The following TAF1B variants were observed in gnomAD, a reference collection of about 807,000 sequenced individuals.
The protein encoded by TAF1B is TATA-box binding protein associated factor, RNA polymerase I subunit B.
In TAF1B, 61 loss-of-function variants were observed where a neutral mutation model predicts 83.9. The ratio of observed to expected loss-of-function variants is 0.73; its 90% CI spans 0.59 to 0.90. The LOEUF (loss-of-function observed/expected upper bound fraction) is 0.90. Ranked by LOEUF, TAF1B falls within the 40% of genes least tolerant of loss-of-function variation. The pLI, the probability that TAF1B is intolerant of heterozygous loss-of-function variation, is 0.00. For missense variants in TAF1B, 625 were observed against 677.0 expected, an observed-to-expected ratio of 0.92 and a Z score of 0.85; for synonymous variants, 221 against 224.6, an observed-to-expected ratio of 0.98 and a Z score of 0.14.
chr2:9,849,332 T>C (rs749211507), intron 2 of TAF1B, 41 bp from the exon 3 acceptor site: 1 of 1,487,220 alleles, frequency 6.7e-7, no homozygotes, highest in South Asian at 1.3e-5. Flanking sequence ...TAGGGGGATG[T>C]AAAACGATCT....
At chr2:9,913,039 C>A in intron 11 of TAF1B, 120 bp from the exon 12 acceptor site, 1 of 739,964 alleles carries the variant, frequency 1.4e-6, no homozygotes, top group Non-Finnish European at 2.2e-6. Flanking sequence ...ATGTCTACAT[C>A]TTGATCACAC....
intron 4 of TAF1B, among the ~76,000 whole-genome samples, chr2:9,853,602 G>A (rs1374440217): frequency 1.3e-5 from 2 of 151,940 alleles, no homozygotes; most frequent in Non-Finnish European, 2.9e-5. Flanking sequence ...CAAGTATCTG[G>A]GACTACAGGC....
intron 9 of TAF1B, among the ~76,000 whole-genome samples, chr2:9,906,012 T>C (rs1440099476): frequency 1.3e-5 from 2 of 151,582 alleles, no homozygotes; most frequent in African/African-American, 4.8e-5. Context: ...CATTTGGACA[T>C]GTTGTATAGA....
At chr2:9,886,755 C>G (rs1393148605) in intron 8 of TAF1B, among the ~76,000 whole-genome samples, 4 of 152,162 alleles carry the variant, frequency 2.6e-5, no homozygotes, top group Non-Finnish European at 5.9e-5. Context: ...AGAAGCCTAG[C>G]TCATTCCTTC....
At chr2:9,917,540 A>G (rs1344826578) in intron 12 of TAF1B, among the ~76,000 whole-genome samples, 1 of 152,218 alleles carries the variant, frequency 6.6e-6, no homozygotes. Context: ...TAGGATTTAA[A>G]GAACCAATAC....
intron 1 of TAF1B, 138 bp downstream of exon 1, chr2:9,843,697 G>A: frequency 3.0e-6 from 3 of 1,012,690 alleles, no homozygotes; most frequent in Non-Finnish European, 4.2e-6. Context: ...GGGCTGCAGG[G>A]CGGGCTAAGG....
chr2:9,852,074 T>C, intron 4 of TAF1B: 2 of 469,570 alleles, frequency 4.3e-6, no homozygotes, highest in Non-Finnish European at 8.8e-6. Context: ...GACAGCGATA[T>C]GCTAAACCAG....
At chr2:9,875,221 C>T (rs146262726) in intron 6 of TAF1B, among the ~76,000 whole-genome samples, 2,908 of 152,272 alleles carry the variant, frequency 0.019, 46 homozygotes, top group Non-Finnish European at 0.031. Context: ...TCCTTGGCCT[C>T]CCAAAGTGCT....
At chr2:9,873,021 G>T (rs529844379) in intron 6 of TAF1B, among the ~76,000 whole-genome samples, 1 of 152,178 alleles carries the variant, frequency 6.6e-6, no homozygotes, top group South Asian at 2.1e-4. Flanking sequence ...CATTTAGGTT[G>T]TTCTAAATTT....
chr2:9,879,961 A>G (rs6753103), intron 7 of TAF1B, among the ~76,000 whole-genome samples: 2,574 of 152,236 alleles, frequency 0.017, 77 homozygotes, highest in African/African-American at 0.059. Context: ...AGATTGCAGC[A>G]GGAGAGATAC....
Position 9,854,401 on chromosome 2 carries a change from AC to A in TAF1B, c.381del (p.Thr128LeufsTer8). 1 of 1,613,860 alleles carries A rather than the reference AC, an allele frequency of 6.2e-7. No individual in the cohort carries two copies. Among genetic ancestry groups the A allele is most frequent in the Non-Finnish European group, 8.5e-7 (1 of 1,179,794 alleles). ...KQAYCKNPVY[T>X]TGRKPTVLED... The stretch of plus-strand genomic sequence containing the variant: ...GGCATATTGTAAGAACCCAGTTTAT[AC>A]CACTGGAAGGAAACCTACGGTAAGT... On this transcript the variant is annotated frameshift_variant, in exon 5 of 15. Coordinates refer to ENST00000263663, the MANE Select transcript of TAF1B (RefSeq NM_005680.3). LOFTEE classifies it high-confidence loss of function.
intron 4 of TAF1B, 57 bp downstream of exon 4, chr2:9,851,695 A>G: frequency 1.5e-6 from 2 of 1,371,240 alleles, no homozygotes. Flanking sequence ...AAGAACAGTA[A>G]GACTTATAGT....
chr2:9,888,031 T>G (rs922940419), intron 8 of TAF1B, among the ~76,000 whole-genome samples: 1 of 151,804 alleles, frequency 6.6e-6, no homozygotes, highest in Non-Finnish European at 1.5e-5. Flanking sequence ...TAAAAAAAAA[T>G]TTTTTTTAGA....
At chr2:9,933,710 A>G in intron 14 of TAF1B, 73 bp from the exon 15 acceptor site, 2 of 1,203,350 alleles carry the variant, frequency 1.7e-6, no homozygotes, top group Non-Finnish European at 2.4e-6. Context: ...ATTTGGGGGG[A>G]TGTTCAGGGG....
At chr2:9,932,864 C>T (rs1182859223) in intron 14 of TAF1B, among the ~76,000 whole-genome samples, 1 of 152,202 alleles carries the variant, frequency 6.6e-6, no homozygotes, top group South Asian at 2.1e-4. Context: ...TTTACCTACT[C>T]AAGCCTCAGC....
intron 9 of TAF1B, among the ~76,000 whole-genome samples, chr2:9,906,041 A>AT (rs33991230): frequency 1.5e-4 from 22 of 150,870 alleles, no homozygotes; most frequent in African/African-American, 4.1e-4. Context: ...ACTATTTTGG[A>AT]TTTTTTTTTT....
At chr2:9,877,507 C>CCT (rs558396335) in intron 7 of TAF1B, among the ~76,000 whole-genome samples, 4 of 151,718 alleles carry the variant, frequency 2.6e-5, no homozygotes, top group East Asian at 1.9e-4. Flanking sequence ...CTCTGCATTC[C>CCT]CTCTCTCTCT....
rs779999380 is a variant in TAF1B at position 9,904,965 on chromosome 2, A to G, written c.914A>G (p.Asn305Ser). The stretch of plus-strand genomic sequence containing the variant: ...ACTGAAGACTGCTATCTTCATCCCA[A>G]CATACTGTGTATGAAATACTTGATG... The part of the protein sequence containing the change: ...DITEDCYLHP[N>S]ILCMKYLMEV... The change falls in exon 9 of 15, where the codon AAC becomes AGC. Residue 305 changes from asparagine (N) to serine (S), a missense_variant. Asn to Ser is a conservative substitution (Grantham distance 46). Transcript: ENST00000263663. The G allele has an allele frequency of 6.2e-6, 10 of 1,612,486 alleles. No individual in the cohort carries two copies. Among genetic ancestry groups the G allele is most frequent in the East Asian group, 2.2e-5 (1 of 44,838 alleles).
At chr2:9,904,637 T>C (rs906165488) in intron 8 of TAF1B, among the ~76,000 whole-genome samples, 6 of 152,214 alleles carry the variant, frequency 3.9e-5, no homozygotes, top group Admixed American at 6.5e-5. Context: ...GAATGGCAGC[T>C]CTGTTTTAAG....
Sources: allele counts gnomAD v4.1 joint callset (sites outside exome capture counted in the v4.1 genomes callset), GRCh38; gene constraint gnomAD v4.1.1; transcripts MANE v1.5; gene names NCBI Gene and HGNC (gene_info 2026-07-23, HGNC 2026-07-21).